The following SUSD4 variants were observed in gnomAD, a reference collection of about 807,000 sequenced individuals.
SUSD4 encodes the protein sushi domain-containing protein 4.
SUSD4 carries 41 observed loss-of-function variants against 50.5 expected under a neutral mutation model. That is an observed-to-expected ratio of 0.81 (90% confidence interval 0.63 to 1.05). SUSD4 has a LOEUF of 1.05. SUSD4 is among the 50% of genes least tolerant of loss of function. The pLI is 0.00. For synonymous variants in SUSD4, 257 were observed against 257.3 expected, an observed-to-expected ratio of 1.00 and a Z score of 0.01; for missense variants, 580 against 634.7, an observed-to-expected ratio of 0.91 and a Z score of 0.93.
chr1:223,252,069 T>G (rs527944741), intron 5 of SUSD4, among the ~76,000 whole-genome samples: 6 of 62,294 alleles, frequency 9.6e-5, no homozygotes, highest in South Asian at 6.7e-4. Flanking sequence ...GGGCCTGTTG[T>G]GGGGTGGGGG....
chr1:223,309,832 CTTATT>C (rs1481825118), intron 2 of SUSD4, among the ~76,000 whole-genome samples: 1 of 152,146 alleles, frequency 6.6e-6, no homozygotes. Flanking sequence ...CTTCTCTGAT[CTTATT>C]TTGTCACTCA....
At chr1:223,226,462 G>A (rs1034293974) in intron 7 of SUSD4, among the ~76,000 whole-genome samples, 3 of 152,232 alleles carry the variant, frequency 2.0e-5, no homozygotes, top group African/African-American at 7.2e-5. Context: ...AGGCAGGGGA[G>A]AATTGCTAAG....
chr1:223,242,870 A>T (rs567219455), intron 5 of SUSD4, among the ~76,000 whole-genome samples: 2 of 152,224 alleles, frequency 1.3e-5, no homozygotes, highest in African/African-American at 4.8e-5. Flanking sequence ...AAGTCGCTGG[A>T]GAGTGTGGGG....
upstream of SUSD4, among the ~76,000 whole-genome samples, chr1:223,364,356 G>T (rs1294363196): frequency 1.4e-5 from 2 of 147,418 alleles, no homozygotes; most frequent in African/African-American, 4.9e-5. This position sits in a 1 kb window ranked among gnomAD's most constrained non-coding sequence, Gnocchi z 4.5. Context: ...GGAGTGGGTG[G>T]GGACGGGGTG....
At chr1:223,306,595 GA>G (rs1460070093) in intron 2 of SUSD4, among the ~76,000 whole-genome samples, 9 of 152,150 alleles carry the variant, frequency 5.9e-5, no homozygotes, top group African/African-American at 1.9e-4. Context: ...AGGCTCAAGC[GA>G]TCCTCACACC....
chr1:223,363,400 T>G lies in SUSD4; in HGVS notation c.26A>C (p.Asn9Thr), dbSNP rs764080182. The change falls in exon 2 of 9, where the codon AAT becomes ACT. Residue 9 changes from asparagine to threonine, a missense_variant. Asn to Thr is a moderately conservative substitution (Grantham distance 65). Transcript: ENST00000366878. MYHGMNPS[N>T]GDGFLEQQQQ... is the part of the protein sequence containing the mutation. Reference sequence around the variant, plus strand: ...CTGCTGCTCTAGAAATCCATCTCCATTGCTCGGGTTCATTCCATGATACAT... The same window carrying G: ...CTGCTGCTCTAGAAATCCATCTCCAGTGCTCGGGTTCATTCCATGATACAT... The G allele has an allele frequency of 6.4e-7, 1 of 1,571,144 alleles. No homozygotes were observed. Among genetic ancestry groups the G allele is most frequent in the Non-Finnish European group, 8.6e-7 (1 of 1,157,732 alleles).
chr1:223,236,677 T>C (rs1191503511), intron 5 of SUSD4, among the ~76,000 whole-genome samples: 1 of 152,120 alleles, frequency 6.6e-6, no homozygotes, highest in Non-Finnish European at 1.5e-5. Flanking sequence ...TACGTAAGTC[T>C]ATTTCTAGGC....
rs1465675477 is a variant in SUSD4 at position 223,346,755 on chromosome 1, C to T, written c.148+16523G>A. Among the ~76,000 whole-genome samples, 3 of 152,146 alleles carry T rather than the reference C, an allele frequency of 2.0e-5. No individual in the cohort carries two copies. The East Asian group carries it at 5.8e-4, about 29-fold the overall frequency. ...ATTTATGTAAAGCACTTCAAAAGTG[C>T]CTGGTATGAACAAGTAATTGATAAA... On this transcript the variant is annotated intron_variant, in intron 2 of 8. Coordinates refer to ENST00000366878, the MANE Select transcript of SUSD4 (RefSeq NM_017982.4).
chr1:223,335,022 C>T (rs1667379968), intron 2 of SUSD4, among the ~76,000 whole-genome samples: 1 of 152,136 alleles, frequency 6.6e-6, no homozygotes, highest in African/African-American at 2.4e-5. Flanking sequence ...GTCTCAATCC[C>T]ATCCAGGTTG....
chr1:223,319,846 A>G (rs1470084992), intron 2 of SUSD4, among the ~76,000 whole-genome samples: 2 of 152,120 alleles, frequency 1.3e-5, no homozygotes, highest in Non-Finnish European at 2.9e-5. Flanking sequence ...TACCTTTTTC[A>G]CTGCAGAACT....
In SUSD4 at chr1:223,268,030, TATATATATATATACAC is replaced by T. The variant is rs1311499067; in HGVS notation, c.535+456_535+471del. 9.0e-5 allele frequency among the ~76,000 whole-genome samples: 8 copies of T among 88,654 alleles called. 1 individual carries two copies. The highest frequency in any genetic ancestry group is 2.9e-4 in the African/African-American group (8 of 27,764). The allele number at this position is 88,654 out of a possible 152,430, so 58.2% of individuals were successfully genotyped here. On this transcript the variant is annotated intron_variant, in intron 4 of 8. Coordinates refer to ENST00000366878, the MANE Select transcript of SUSD4 (RefSeq NM_017982.4). ...TGCATTTTTTATATATATATATATA[TATATATATATATACAC>T]ACACACTGTTAAGAGAAAACAGCCT... is the stretch of plus-strand genomic sequence containing the variant.
intron 2 of SUSD4, among the ~76,000 whole-genome samples, chr1:223,333,218 G>A (rs1375968483): frequency 6.6e-6 from 1 of 152,076 alleles, no homozygotes; most frequent in African/African-American, 2.4e-5. Context: ...GGAGCAGGGG[G>A]TGCAGCTTAG....
chr1:223,269,605 G>A (rs889147321), intron 3 of SUSD4, among the ~76,000 whole-genome samples: 13 of 152,142 alleles, frequency 8.5e-5, no homozygotes, highest in Non-Finnish European at 1.8e-4. Context: ...TCTCTTATGA[G>A]CACATGTCTG....
chr1:223,263,894 C>T, intron 5 of SUSD4: 1 of 985,322 alleles, frequency 1.0e-6, no homozygotes, highest in Non-Finnish European at 1.2e-6. Context: ...TTTTTCTTTC[C>T]CCATATAGAC....
chr1:223,295,561 G>A (rs1047070079), intron 2 of SUSD4, among the ~76,000 whole-genome samples: 2 of 152,152 alleles, frequency 1.3e-5, no homozygotes, highest in Admixed American at 1.3e-4. Flanking sequence ...CAGAAGGGAG[G>A]AAGGGTGCTG....
intron 2 of SUSD4, among the ~76,000 whole-genome samples, chr1:223,357,359 T>C (rs1312889596): frequency 2.6e-5 from 4 of 152,030 alleles, no homozygotes; most frequent in Admixed American, 1.3e-4. Flanking sequence ...TAAAGAAAAA[T>C]GTTTGAATCA....
chr1:223,260,489 G>C (rs1440651188), intron 5 of SUSD4, among the ~76,000 whole-genome samples: 1 of 152,202 alleles, frequency 6.6e-6, no homozygotes, highest in Non-Finnish European at 1.5e-5. Context: ...ATGGAGGTGA[G>C]GGCCTCAGGG....
At chr1:223,235,086 G>A (rs1660125196) in intron 5 of SUSD4, 1 of 1,602,032 alleles carries the variant, frequency 6.2e-7, no homozygotes, top group Non-Finnish European at 8.5e-7. Flanking sequence ...GGGAAAAGAT[G>A]TTCAGGTCTT....
chr1:223,238,678 T>C (rs1660377639), intron 5 of SUSD4, among the ~76,000 whole-genome samples: 3 of 152,032 alleles, frequency 2.0e-5, no homozygotes, highest in Non-Finnish European at 4.4e-5. Context: ...TGTTTAATTA[T>C]ACTGTGATCT....
Sources: gnomAD v4.1 joint callset for allele counts (sites outside exome capture counted in the v4.1 genomes callset) on GRCh38, gnomAD v4.1.1 for gene constraint, Gnocchi (gnomAD v3.1) non-coding constraint, MANE v1.5 for transcripts, NCBI Gene and HGNC (gene_info 2026-07-23, HGNC 2026-07-21) for gene names.